Variants in PRICKLE2 observed in about 807,000 individuals in gnomAD.
The protein encoded by PRICKLE2 is prickle-like protein 2.
PRICKLE2 carries 21 observed loss-of-function variants against 81.4 expected under a neutral mutation model. That is an observed-to-expected ratio of 0.26 (90% confidence interval 0.18 to 0.37). The LOEUF (loss-of-function observed/expected upper bound fraction) is 0.37. Among genes scored for constraint, PRICKLE2 ranks in the 10% least tolerant of loss-of-function variants. PRICKLE2 has a pLI of 1.00. For synonymous variants in PRICKLE2, 456 were observed against 421.5 expected (o/e 1.08, Z -1.00); for missense variants, 940 against 1,109.0 (o/e 0.85, Z 2.16).
At chr3:64,258,845 A>AAAGAAAGAAAGAAAGAAAGAAAGAAAG (rs1553663504) in intron 2 of PRICKLE2, among the ~76,000 whole-genome samples, 25 of 33,972 alleles carry the variant, frequency 7.4e-4, no homozygotes, top group South Asian at 1.3e-3. Flanking sequence ...AAAAAAAAAA[A>AAAGAAAGAAAGAAAGAAAGAAAGAAAG]AAAGAAAGAA....
intron 2 of PRICKLE2, chr3:64,163,452 A>C: frequency 2.5e-6 from 1 of 393,062 alleles, no homozygotes; most frequent in South Asian, 2.3e-5. Flanking sequence ...GACTCCCCTG[A>C]GAGCTGGCTT....
chr3:64,118,849 C>A (rs1484381295), intron 7 of PRICKLE2, among the ~76,000 whole-genome samples: 1 of 93,096 alleles, frequency 1.1e-5, no homozygotes, highest in Admixed American at 1.3e-4. Context: ...ACAGAAATAC[C>A]ATTCAACCCA....
chr3:64,151,700 T>C (rs924212356), intron 6 of PRICKLE2, among the ~76,000 whole-genome samples: 7 of 152,176 alleles, frequency 4.6e-5, no homozygotes, highest in Non-Finnish European at 8.8e-5. Flanking sequence ...ATTGCACCAT[T>C]TTCCCTGACA....
chr3:64,222,019 G>A lies in PRICKLE2; in HGVS notation c.-41+2891C>T, dbSNP rs536131962. Among the ~76,000 whole-genome samples, 23 of 152,178 alleles carry A rather than the reference G, an allele frequency of 1.5e-4. No individual in the cohort carries two copies. In the South Asian group the frequency reaches 2.5e-3, roughly 16 times the overall value. ...AATTCTATTGGCCTTCAGTTTCTCC[G>A]TTAAATAAATATTAAAATTACTGCC... On this transcript the variant is annotated intron_variant, in intron 1 of 7. Coordinates refer to ENST00000638394, the MANE Select transcript of PRICKLE2 (RefSeq NM_198859.4).
chr3:64,237,039 G>A (rs1214394194), intron 2 of PRICKLE2, among the ~76,000 whole-genome samples: 3 of 152,162 alleles, frequency 2.0e-5, no homozygotes, highest in South Asian at 2.1e-4. Flanking sequence ...AGCTCTCAAC[G>A]CCTCACAGGA....
chr3:64,155,544 C>A (rs1275861200), intron 5 of PRICKLE2, among the ~76,000 whole-genome samples: 1 of 152,136 alleles, frequency 6.6e-6, no homozygotes, highest in African/African-American at 2.4e-5. Context: ...TGGGTATACA[C>A]TCAAGAGAAC....
chr3:64,162,899 T>C lies in PRICKLE2; in HGVS notation c.258+117A>G. The C allele has an allele frequency of 1.4e-5, 11 of 803,500 alleles. No individual in the cohort carries two copies. In the South Asian group the frequency reaches 1.5e-4, roughly 11 times the overall value. 49.8% of individuals were successfully genotyped at this position (803,500 alleles called of 1,614,324 possible). A position where few individuals can be genotyped will look rare whatever the true frequency, so the allele number is the denominator to read the frequency against. On this transcript the variant is annotated intron_variant, in intron 3 of 7. Transcript: ENST00000638394. ...GGCCCTAATTAAGGAAGCTAAAACC[T>C]AAAATAAATTGCCAGAGTTCTTCTT...
Position 64,098,706 on chromosome 3 carries a change from G to T in PRICKLE2, c.*345C>A, listed in dbSNP as rs909659532. ...AAACAAATTACTTACTGAAAAAAGGGTCCTAAAAGTAAGAGAACCAGAGAG... is the reference window on the plus strand; with the variant it reads ...AAACAAATTACTTACTGAAAAAAGGTTCCTAAAAGTAAGAGAACCAGAGAG... On this transcript the variant is annotated 3_prime_UTR_variant, in exon 8 of 8. Transcript: ENST00000638394. 3 of 280,856 alleles carry T rather than the reference G, an allele frequency of 1.1e-5. No homozygotes were observed. Among genetic ancestry groups the T allele is most frequent in the Non-Finnish European group, 2.0e-5 (3 of 146,944 alleles). The allele number at this position is 280,856 out of a possible 1,614,324, so 17.4% of individuals were successfully genotyped here. A position where few individuals can be genotyped will look rare whatever the true frequency, so the allele number is the denominator to read the frequency against.
At chr3:64,120,006 TG>T (rs2077000296) in intron 7 of PRICKLE2, among the ~76,000 whole-genome samples, 1 of 152,058 alleles carries the variant, frequency 6.6e-6, no homozygotes, top group Non-Finnish European at 1.5e-5. Flanking sequence ...AGGTAAACAC[TG>T]GGTACTCAAC....
At chr3:64,145,097 A>AAT (rs1388034832) in intron 7 of PRICKLE2, among the ~76,000 whole-genome samples, 14 of 140,010 alleles carry the variant, frequency 1.0e-4, no homozygotes, top group Non-Finnish European at 1.8e-4. Flanking sequence ...ATAATATTAA[A>AAT]TTTTTTTTTT....
At chr3:64,220,588 A>G (rs1210381922) in intron 1 of PRICKLE2, among the ~76,000 whole-genome samples, 1 of 152,144 alleles carries the variant, frequency 6.6e-6, no homozygotes, top group Non-Finnish European at 1.5e-5. Flanking sequence ...AAACACTAGC[A>G]CCAGGAAGAA....
At chr3:64,109,241 C>A (rs187216800) in intron 7 of PRICKLE2, among the ~76,000 whole-genome samples, 1 of 152,230 alleles carries the variant, frequency 6.6e-6, no homozygotes, top group Admixed American at 6.5e-5. Context: ...CTGGGGAACT[C>A]TAAAAGTTAT....
intron 2 of PRICKLE2, among the ~76,000 whole-genome samples, chr3:64,247,565 C>T (rs532111992): frequency 2.0e-5 from 3 of 152,236 alleles, no homozygotes; most frequent in East Asian, 3.9e-4. Flanking sequence ...TTTAGCTATG[C>T]AAAATTTTTC....
intron 7 of PRICKLE2, chr3:64,103,045 T>C (rs1461931465): frequency 6.6e-6 from 1 of 152,214 alleles, no homozygotes; most frequent in Non-Finnish European, 1.5e-5. Flanking sequence ...ACGTAAAGAG[T>C]ACATTACAGG....
intron 1 of PRICKLE2, among the ~76,000 whole-genome samples, chr3:64,205,752 A>G (rs1251823748): frequency 6.6e-6 from 1 of 152,210 alleles, no homozygotes; most frequent in Non-Finnish European, 1.5e-5. Flanking sequence ...CTTCTTAATA[A>G]GAGGAAAATA....
At chr3:64,245,588 A>T (rs774116310) in intron 2 of PRICKLE2, among the ~76,000 whole-genome samples, 1 of 152,192 alleles carries the variant, frequency 6.6e-6, no homozygotes, top group African/African-American at 2.4e-5. Flanking sequence ...GGTTGCACTG[A>T]GCAGTTCTGG....
At chr3:64,116,032 A>C (rs778675132) in intron 7 of PRICKLE2, among the ~76,000 whole-genome samples, 1 of 152,164 alleles carries the variant, frequency 6.6e-6, no homozygotes, top group Non-Finnish European at 1.5e-5. Context: ...AGAAATCAAG[A>C]CTAAGAAATT....
At chr3:64,133,868 C>T (rs1234099386) in intron 7 of PRICKLE2, among the ~76,000 whole-genome samples, 2 of 152,168 alleles carry the variant, frequency 1.3e-5, no homozygotes, top group Admixed American at 6.5e-5. Flanking sequence ...TGTACAGAAT[C>T]GCCAAATCTC....
chr3:64,267,526 T>C (rs2079729468), intron 2 of PRICKLE2, among the ~76,000 whole-genome samples: 1 of 151,428 alleles, frequency 6.6e-6, no homozygotes, highest in South Asian at 2.1e-4. Context: ...TAACAGTAAA[T>C]ACCTTTTAAA....
Sources: allele counts gnomAD v4.1 joint callset (sites outside exome capture counted in the v4.1 genomes callset), GRCh38; gene constraint gnomAD v4.1.1; transcripts MANE v1.5; gene names NCBI Gene and HGNC (gene_info 2026-07-23, HGNC 2026-07-21).